The following TEX35 variants were observed in gnomAD, a reference collection of about 807,000 sequenced individuals.
TEX35 encodes testis expressed 35, also known as testis-expressed protein 35.
Under a neutral mutation model 31.9 loss-of-function variants are expected in TEX35, and 26 were observed. The observed-to-expected ratio is 0.81, with a 90% CI of 0.60 to 1.13. The LOEUF is 1.13. Among genes scored for constraint, TEX35 ranks in the 50% most tolerant of loss-of-function variants. The probability of loss-of-function intolerance (pLI) is 0.00; values close to 1 mark genes in which losing one functional copy is unlikely to be tolerated. For missense variants in TEX35, 278 were observed against 273.5 expected, an observed-to-expected ratio of 1.02 and a Z score of -0.12; for synonymous variants, 87 against 90.7, an observed-to-expected ratio of 0.96 and a Z score of 0.23.
chr1:178,513,943 G>A (rs1383634972), intron 1 of TEX35, 84 bp from the exon 2 acceptor site: 2 of 1,515,066 alleles, frequency 1.3e-6, no homozygotes, highest in East Asian at 2.3e-5. Flanking sequence ...GGGGCAGGGG[G>A]CAGGGTTCCC....
intron 2 of TEX35, 85 bp downstream of exon 2, chr1:178,514,162 C>G: frequency 6.2e-7 from 1 of 1,609,296 alleles, no homozygotes; most frequent in Middle Eastern, 1.7e-4. Flanking sequence ...ATTTGCTGAT[C>G]CTAGTGGCCA....
chr1:178,521,672 C>G (rs375665900), intron 8 of TEX35: 7 of 1,551,902 alleles, frequency 4.5e-6, no homozygotes, highest in Non-Finnish European at 6.1e-6. Context: ...TCCAACCTAG[C>G]GCAGCTGCAG....
In TEX35 at chr1:178,514,873, C is replaced by T. The variant is rs952619270; in HGVS notation, c.159+105C>T. On this transcript the variant is annotated intron_variant, in intron 3 of 8. Coordinates refer to ENST00000319416, the MANE Select transcript of TEX35 (RefSeq NM_032126.5). ...TCCTAAATACAAGAATATCCTCTTA[C>T]ATAGGCACAGTGCAATTATCAAAAT... The T allele has an allele frequency of 4.8e-5, 44 of 913,382 alleles. 1 individual carries two copies. The South Asian group carries it at 6.5e-4, about 14-fold the overall frequency. 56.6% of individuals were successfully genotyped at this position (913,382 alleles called of 1,614,324 possible).
Sources: allele counts gnomAD v4.1 joint callset, GRCh38; gene constraint gnomAD v4.1.1; transcripts MANE v1.5; gene names NCBI Gene and HGNC (gene_info 2026-07-23, HGNC 2026-07-21).